The following RTL9 variants were observed in gnomAD, a reference collection of about 807,000 sequenced individuals.
RTL9 encodes the protein retrotransposon Gag-like protein 9.
A neutral mutation model predicts 44.7 loss-of-function variants in RTL9; 19 were observed. The ratio of observed to expected loss-of-function variants is 0.42; its 90% CI spans 0.30 to 0.62. The LOEUF (loss-of-function observed/expected upper bound fraction) is 0.62. RTL9 is among the 20% of genes least tolerant of loss of function. RTL9 has a pLI of 0.16. For synonymous variants in RTL9, 407 were observed against 398.9 expected (o/e 1.02, Z -0.24); for missense variants, 1,105 against 1,080.6 (o/e 1.02, Z -0.32).
chrX:110,401,528 T>C (rs982550047), intron 1 of RTL9, among the ~76,000 whole-genome samples: 10 of 111,836 alleles, frequency 8.9e-5, no homozygotes, highest in Non-Finnish European at 1.9e-4. Context: ...AAGCAATCTT[T>C]AGCTTAGGAG....
intron 1 of RTL9, among the ~76,000 whole-genome samples, chrX:110,421,567 T>C (rs1484643043): frequency 8.9e-6 from 1 of 112,775 alleles, no homozygotes; most frequent in Non-Finnish European, 1.9e-5. Context: ...TTTGCATTTA[T>C]CGACAGGTAT....
At chrX:110,377,452 C>G (rs923639151) in intron 1 of RTL9, among the ~76,000 whole-genome samples, 5 of 111,516 alleles carry the variant, frequency 4.5e-5, no homozygotes. Flanking sequence ...CAGTAAATCA[C>G]TGAATTTCTT....
chrX:110,384,973 TGTGCAGAGAAG>T (rs956936519), intron 1 of RTL9, among the ~76,000 whole-genome samples: 4 of 111,011 alleles, frequency 3.6e-5, no homozygotes, highest in Non-Finnish European at 5.7e-5. Context: ...AGCCCAAGTC[TGTGCAGAGAAG>T]ACACTTTGAA....
chrX:110,441,175 C>T (rs1331087786), intron 1 of RTL9, among the ~76,000 whole-genome samples: 1 of 112,066 alleles, frequency 8.9e-6, no homozygotes, highest in Non-Finnish European at 1.9e-5. Context: ...CCTCAGTTTC[C>T]TCTTCTGTAA....
chrX:110,433,774 G>A (rs767455500), intron 1 of RTL9, among the ~76,000 whole-genome samples: 11 of 111,671 alleles, frequency 9.9e-5, no homozygotes, highest in Non-Finnish European at 2.1e-4. Flanking sequence ...TGTCATTATC[G>A]GCATATTATA....
At chrX:110,397,602 G>GTCACTGCT (rs1165202261) in intron 1 of RTL9, among the ~76,000 whole-genome samples, 2 of 111,000 alleles carry the variant, frequency 1.8e-5, no homozygotes, top group Non-Finnish European at 3.8e-5. Context: ...AAGAGACACA[G>GTCACTGCT]TCACTGCTGG....
intron 1 of RTL9, among the ~76,000 whole-genome samples, chrX:110,375,225 T>A (rs1236381326): frequency 8.9e-6 from 1 of 111,855 alleles, no homozygotes; most frequent in Admixed American, 9.5e-5. Context: ...CAGGATTCTT[T>A]AGAGTTGAGT....
At chrX:110,392,272 GT>G (rs377409601) in intron 1 of RTL9, among the ~76,000 whole-genome samples, 2,893 of 85,003 alleles carry the variant, frequency 0.034, 87 homozygotes, top group African/African-American at 0.12. Flanking sequence ...TCTACCACAG[GT>G]TTTTTTTTTT....
intron 1 of RTL9, among the ~76,000 whole-genome samples, chrX:110,362,851 T>C (rs778643554): frequency 8.9e-6 from 1 of 112,122 alleles, no homozygotes; most frequent in African/African-American, 3.2e-5. Flanking sequence ...ACGTATGTGG[T>C]ATTGTGCTGG....
intron 1 of RTL9, among the ~76,000 whole-genome samples, chrX:110,431,992 G>C (rs993421679): frequency 4.5e-5 from 5 of 112,045 alleles, no homozygotes; most frequent in African/African-American, 1.6e-4. Flanking sequence ...GTGGGAACAG[G>C]GTTTGGGAGT....
chrX:110,387,527 G>C (rs911013153), intron 1 of RTL9, among the ~76,000 whole-genome samples: 10 of 112,044 alleles, frequency 8.9e-5, no homozygotes, highest in African/African-American at 3.2e-4. Flanking sequence ...TAGAATCATA[G>C]TTCTTAGACT....
chrX:110,379,277 G>A (rs1228732936), intron 1 of RTL9, among the ~76,000 whole-genome samples: 1 of 111,926 alleles, frequency 8.9e-6, no homozygotes, highest in Non-Finnish European at 1.9e-5. Flanking sequence ...ATTTTCATCT[G>A]ATATTAGTTC....
chrX:110,377,569 C>CT (rs1251045046), intron 1 of RTL9, among the ~76,000 whole-genome samples: 3 of 112,149 alleles, frequency 2.7e-5, no homozygotes, highest in Admixed American at 9.4e-5. Context: ...TGTCCATGTG[C>CT]TGCACAGTAT....
At chrX:110,453,146 A>G (rs757071485) in exon 1 of RTL9, 1 of 1,211,637 alleles carries the variant, frequency 8.3e-7, no homozygotes, top group South Asian at 1.8e-5. Context: ...CCATCTCTGG[A>G]GCAATGTCCA....
chrX:110,422,080 C>T (rs987110212), intron 1 of RTL9, among the ~76,000 whole-genome samples: 1 of 113,158 alleles, frequency 8.8e-6, no homozygotes, highest in Admixed American at 9.3e-5. Flanking sequence ...GGGGCTCTGG[C>T]TGGGATCAAA....
At chrX:110,429,910 A>G (rs1361790234) in intron 1 of RTL9, among the ~76,000 whole-genome samples, 1 of 112,326 alleles carries the variant, frequency 8.9e-6, no homozygotes, top group Admixed American at 9.4e-5. Flanking sequence ...GTCTTTGAAG[A>G]CCTGATTCTG....
upstream of RTL9, among the ~76,000 whole-genome samples, chrX:110,447,429 A>G (rs2068914620): frequency 9.0e-6 from 1 of 110,791 alleles, no homozygotes; most frequent in Non-Finnish European, 1.9e-5. Context: ...ATTTGTAGTA[A>G]GAAAGTTTCC....
chrX:110,436,885 C>T (rs17320750), intron 1 of RTL9, among the ~76,000 whole-genome samples: 19,034 of 111,083 alleles, frequency 0.17, 1,350 homozygotes, highest in Non-Finnish European at 0.21. Context: ...GCCATAGCTG[C>T]AGTGAGCTGT....
chrX:110,400,317 T>G (rs182796936), intron 1 of RTL9, among the ~76,000 whole-genome samples: 113 of 107,950 alleles, frequency 1.0e-3, no homozygotes, highest in East Asian at 7.7e-3. Flanking sequence ...CTACCTATAT[T>G]CACTTCAGTT....
Sources: allele counts gnomAD v4.1 joint callset (sites outside exome capture counted in the v4.1 genomes callset), GRCh38; gene constraint gnomAD v4.1.1; transcripts MANE v1.5; gene names NCBI Gene and HGNC (gene_info 2026-07-23, HGNC 2026-07-21).